WWOX: variants seen among roughly 807,000 people sequenced by gnomAD.
WWOX encodes the protein WW domain containing oxidoreductase, also known as WW domain-containing oxidoreductase.
In WWOX, 69 loss-of-function variants were observed where a neutral mutation model predicts 46.2. That is an observed-to-expected ratio of 1.49 (90% CI 1.23 to 1.82). The LOEUF is 1.82. Among genes scored for constraint, WWOX ranks in the 40% most tolerant of loss-of-function variants. The probability of loss-of-function intolerance (pLI) is 0.00; values close to 1 mark genes in which losing one functional copy is unlikely to be tolerated. For synonymous variants in WWOX, 359 were observed against 202.6 expected (o/e 1.77, Z -6.56); for missense variants, 919 against 542.6 (o/e 1.69, Z -6.89).
intron 8 of WWOX, among the ~76,000 whole-genome samples, chr16:78,968,328 C>G (rs2151320256): frequency 6.6e-6 from 1 of 152,278 alleles, no homozygotes; most frequent in East Asian, 1.9e-4. Context: ...CACCACCGAC[C>G]CGAGGCAGGA....
intron 1 of WWOX, among the ~76,000 whole-genome samples, chr16:78,101,818 A>G (rs558985933): frequency 2.6e-5 from 4 of 152,342 alleles, no homozygotes; most frequent in African/African-American, 7.2e-5. Context: ...TTTGGCTGGC[A>G]CTGGTTATAC....
chr16:79,158,649 C>G (rs1227381599), intron 8 of WWOX, among the ~76,000 whole-genome samples: 1 of 152,222 alleles, frequency 6.6e-6, no homozygotes, highest in Non-Finnish European at 1.5e-5. Flanking sequence ...GCCTCTCTGT[C>G]CCCACCTGCT....
At chr16:78,220,431 C>G (rs2036851916) in intron 5 of WWOX, among the ~76,000 whole-genome samples, 1 of 152,006 alleles carries the variant, frequency 6.6e-6, no homozygotes, top group African/African-American at 2.4e-5. Context: ...TGGGTCATAG[C>G]TGTTTTGCTA....
intron 8 of WWOX, among the ~76,000 whole-genome samples, chr16:78,798,093 G>T (rs2050791295): frequency 6.6e-6 from 1 of 152,206 alleles, no homozygotes; most frequent in African/African-American, 2.4e-5. Context: ...GAGGTTCAGA[G>T]AGATGGGGTA....
intron 5 of WWOX, among the ~76,000 whole-genome samples, chr16:78,242,041 G>A: frequency 6.6e-6 from 1 of 152,166 alleles, no homozygotes; most frequent in Non-Finnish European, 1.5e-5. Context: ...GAAAAATACA[G>A]CTCTCCTAAT....
intron 4 of WWOX, among the ~76,000 whole-genome samples, chr16:78,159,815 A>G (rs1404680308): frequency 6.7e-6 from 1 of 150,080 alleles, no homozygotes; most frequent in Non-Finnish European, 1.5e-5. Flanking sequence ...TGTTTTCTTT[A>G]ACGTGCAGAA....
In WWOX at chr16:78,567,969, G is replaced by C. The variant is rs567996965; in HGVS notation, c.1056+135217G>C. 3.2e-3 allele frequency among the ~76,000 whole-genome samples: 482 copies of C among 152,280 alleles called. 3 individuals carry two copies. Among genetic ancestry groups the C allele is most frequent in the African/African-American group, 0.011 (456 of 41,560 alleles). On this transcript the variant is annotated intron_variant, in intron 8 of 8. Coordinates refer to ENST00000566780, the MANE Select transcript of WWOX (RefSeq NM_016373.4). Reference sequence around the variant, plus strand: ...GGTTTATTAATCTTAGCGTATAATGGAAAATGTGTTGCCATGTGAAATCTA... The same window carrying C: ...GGTTTATTAATCTTAGCGTATAATGCAAAATGTGTTGCCATGTGAAATCTA...
chr16:78,624,723 A>G (rs549952538), intron 8 of WWOX, among the ~76,000 whole-genome samples: 79 of 152,282 alleles, frequency 5.2e-4, no homozygotes, highest in African/African-American at 1.8e-3. Flanking sequence ...TAATATGTCT[A>G]TCATTTGGAA....
At chr16:78,610,898 C>G (rs2045885031) in intron 8 of WWOX, among the ~76,000 whole-genome samples, 1 of 151,948 alleles carries the variant, frequency 6.6e-6, no homozygotes. Flanking sequence ...GACAGGAAGC[C>G]TACAATTTCT....
At chr16:78,959,927 G>T (rs2046241517) in intron 8 of WWOX, among the ~76,000 whole-genome samples, 1 of 152,202 alleles carries the variant, frequency 6.6e-6, no homozygotes, top group African/African-American at 2.4e-5. Context: ...GATGACCTAA[G>T]TAATTCTCAT....
At chr16:78,377,934 T>C (rs2081868673) in intron 5 of WWOX, among the ~76,000 whole-genome samples, 1 of 152,158 alleles carries the variant, frequency 6.6e-6, no homozygotes, top group African/African-American at 2.4e-5. Context: ...TTGGCCTGTA[T>C]GTAATGAAGG....
In WWOX at chr16:78,887,211, G is replaced by T. The variant is rs2044483358; in HGVS notation, c.1057-324397G>T. ...CTGAACTAGACTGTATGTCAAAAAA[G>T]AGTCTCAATGTCAACTTAATCCATT... is the stretch of plus-strand genomic sequence containing the variant. On this transcript the variant is annotated intron_variant, in intron 8 of 8. Coordinates refer to ENST00000566780, the MANE Select transcript of WWOX (RefSeq NM_016373.4). Among the ~76,000 whole-genome samples the T allele has an allele frequency of 2.6e-5, 4 of 151,328 alleles. No individual in the cohort carries two copies. The South Asian group carries it at 8.4e-4, about 32-fold the overall frequency.
intron 8 of WWOX, among the ~76,000 whole-genome samples, chr16:78,971,438 G>C (rs934657194): frequency 8.5e-6 from 1 of 118,314 alleles, no homozygotes; most frequent in Non-Finnish European, 1.7e-5. Context: ...CTGGGTGACA[G>C]ACTCTGTGTC....
intron 8 of WWOX, among the ~76,000 whole-genome samples, chr16:78,678,463 A>T (rs1458142645): frequency 6.6e-6 from 1 of 152,164 alleles, no homozygotes; most frequent in African/African-American, 2.4e-5. Flanking sequence ...CAATTCAACA[A>T]ACATTTGAGC....
At chr16:79,031,879 CAGATATCTGTAT>C (rs2047764980) in intron 8 of WWOX, among the ~76,000 whole-genome samples, 1 of 49,010 alleles carries the variant, frequency 2.0e-5, no homozygotes, top group Admixed American at 3.0e-4. Flanking sequence ...TATCTATATA[CAGATATCTGTAT>C]ACAGATATCT....
chr16:78,822,314 C>G (rs758344986), intron 8 of WWOX, among the ~76,000 whole-genome samples: 11 of 151,914 alleles, frequency 7.2e-5, no homozygotes, highest in Admixed American at 2.6e-4. Flanking sequence ...GCTGACATGA[C>G]GAAACGCCAT....
intron 6 of WWOX, among the ~76,000 whole-genome samples, chr16:78,400,110 G>A (rs542248745): frequency 1.4e-4 from 22 of 152,248 alleles, no homozygotes; most frequent in South Asian, 8.3e-4. Flanking sequence ...CTCTCAATTA[G>A]CGGTAAAGTT....
At chr16:78,984,020 G>C (rs1257269474) in intron 8 of WWOX, among the ~76,000 whole-genome samples, 1 of 151,812 alleles carries the variant, frequency 6.6e-6, no homozygotes, top group Non-Finnish European at 1.5e-5. Flanking sequence ...TGGGACTACA[G>C]GCGCCTGCCA....
chr16:78,819,270 T>G (rs1273786420), intron 8 of WWOX, among the ~76,000 whole-genome samples: 1 of 152,180 alleles, frequency 6.6e-6, no homozygotes, highest in Non-Finnish European at 1.5e-5. Flanking sequence ...GACTTGATTC[T>G]GGAGGCAAGA....
Sources: allele counts gnomAD v4.1 joint callset (sites outside exome capture counted in the v4.1 genomes callset), GRCh38; gene constraint gnomAD v4.1.1; transcripts MANE v1.5; gene names NCBI Gene and HGNC (gene_info 2026-07-23, HGNC 2026-07-21).